Variants in RTTN observed in about 807,000 individuals in gnomAD.
RTTN encodes rotatin.
RTTN carries 182 observed loss-of-function variants against 269.2 expected under a neutral mutation model. The observed-to-expected ratio is 0.68, with a 90% CI of 0.60 to 0.76. RTTN has a LOEUF of 0.76. Among genes scored for constraint, RTTN ranks in the 30% least tolerant of loss-of-function variants. The pLI is 0.00. For synonymous variants in RTTN, 1,006 were observed against 963.5 expected, an observed-to-expected ratio of 1.04 and a Z score of -0.82; for missense variants, 2,545 against 2,608.6, an observed-to-expected ratio of 0.98 and a Z score of 0.53.
chr18:70,112,995 A>T (rs181034676), intron 27 of RTTN, among the ~76,000 whole-genome samples: 2 of 152,348 alleles, frequency 1.3e-5, no homozygotes, highest in Non-Finnish European at 2.9e-5. Context: ...ATCAAACTGG[A>T]ACTCAGGATT....
At chr18:70,121,736 C>A in intron 25 of RTTN, 36 bp from the exon 26 acceptor site, 1 of 1,505,198 alleles carries the variant, frequency 6.6e-7, no homozygotes, top group Admixed American at 2.7e-5. Context: ...GTTTCTGGCG[C>A]TTTAAAATAC....
At chr18:70,031,504 CTTT>C (rs2057012333) in intron 40 of RTTN, 2 of 395,398 alleles carry the variant, frequency 5.1e-6, no homozygotes, top group East Asian at 7.2e-5. Flanking sequence ...TAGTGTGTAA[CTTT>C]TTTGACTTTC....
intron 28 of RTTN, among the ~76,000 whole-genome samples, chr18:70,101,527 G>C (rs1043728285): frequency 6.6e-6 from 1 of 152,052 alleles, no homozygotes; most frequent in Admixed American, 6.6e-5. Flanking sequence ...CAAAAAACCA[G>C]CTCCTGGATT....
At chr18:70,100,857 C>T (rs1166666314) in intron 28 of RTTN, among the ~76,000 whole-genome samples, 3 of 152,118 alleles carry the variant, frequency 2.0e-5, no homozygotes, top group Admixed American at 2.0e-4. Flanking sequence ...GTCTTTGGTT[C>T]TGTTTATATG....
In RTTN at chr18:70,128,481, A is replaced by G. The variant is rs772298230; in HGVS notation, c.3020T>C (p.Leu1007Ser). The change falls in exon 24 of 49, where the codon TTA (leucine) becomes TCA (serine). Residue 1007 changes from leucine (L) to serine (S), a missense_variant. Leu to Ser is a moderately radical substitution (Grantham distance 145). Transcript: ENST00000640769. ...AVSPYSIVLP[L>S]SADCLALKPV... ...CTTCAAGGCCAAACAATCAGCAGATAAGGGCAAAACTATGGAGTAAGGACT... is the reference window on the plus strand; with the variant it reads ...CTTCAAGGCCAAACAATCAGCAGATGAGGGCAAAACTATGGAGTAAGGACT... 6 of 1,613,162 alleles carry G rather than the reference A, an allele frequency of 3.7e-6. No homozygotes were observed. In the African/African-American group the frequency reaches 8.0e-5, roughly 22 times the overall value.
intron 14 of RTTN, among the ~76,000 whole-genome samples, chr18:70,157,241 A>T (rs1418224933): frequency 6.6e-6 from 1 of 152,046 alleles, no homozygotes; most frequent in Non-Finnish European, 1.5e-5. Context: ...GCAGTCTGGG[A>T]ACATCTCGGC....
intron 14 of RTTN, among the ~76,000 whole-genome samples, chr18:70,153,630 G>A (rs1238738955): frequency 6.6e-6 from 1 of 152,108 alleles, no homozygotes; most frequent in Non-Finnish European, 1.5e-5. Context: ...TTACTAGCAC[G>A]CTCCTACATT....
rs745576289 is a variant in RTTN, at chr18:70,092,301, T to C, written c.4033-81A>G. The C allele has an allele frequency of 3.1e-5, 28 of 897,108 alleles. 1 individual carries two copies. Among genetic ancestry groups the C allele is most frequent in the Non-Finnish European group, 4.9e-5 (28 of 572,204 alleles). 55.6% of individuals were successfully genotyped at this position (897,108 alleles called of 1,614,324 possible). A position where few individuals can be genotyped will look rare whatever the true frequency, so the allele number is the denominator to read the frequency against. On this transcript the variant is annotated intron_variant, in intron 29 of 48. Coordinates refer to ENST00000640769, the MANE Select transcript of RTTN (RefSeq NM_173630.4). ...GCAGGAAGGTTAAAACAAGAATTTT[T>C]AATGAAAACAACGTGAAAATGTATT...
intron 40 of RTTN, among the ~76,000 whole-genome samples, chr18:70,043,953 T>C (rs1033834744): frequency 1.3e-5 from 2 of 152,142 alleles, no homozygotes; most frequent in African/African-American, 4.8e-5. Flanking sequence ...AACAGATAAC[T>C]AGCAAATACA....
intron 37 of RTTN, among the ~76,000 whole-genome samples, chr18:70,056,665 T>C (rs1376616204): frequency 6.6e-6 from 1 of 152,132 alleles, no homozygotes; most frequent in Admixed American, 6.5e-5. Flanking sequence ...CCTTGCTGTT[T>C]CTTGGATAGG....
At chr18:70,090,233 C>T (rs745781453) in intron 30 of RTTN, among the ~76,000 whole-genome samples, 4 of 152,172 alleles carry the variant, frequency 2.6e-5, no homozygotes, top group Non-Finnish European at 5.9e-5. Context: ...ATGGGGAATA[C>T]ATTCCAAGAC....
chr18:70,185,714 A>G (rs1277033539), intron 10 of RTTN, among the ~76,000 whole-genome samples: 3 of 152,158 alleles, frequency 2.0e-5, no homozygotes, highest in African/African-American at 4.8e-5. Flanking sequence ...TGATCTTAAA[A>G]CTGTTTTTAT....
chr18:70,081,119 G>A (rs1393019369), intron 32 of RTTN, among the ~76,000 whole-genome samples: 1 of 152,158 alleles, frequency 6.6e-6, no homozygotes, highest in Non-Finnish European at 1.5e-5. Context: ...CGGGAGCTAT[G>A]CTATGAGGAT....
chr18:70,090,762 T>C (rs1328987915), intron 30 of RTTN, among the ~76,000 whole-genome samples: 1 of 152,162 alleles, frequency 6.6e-6, no homozygotes, highest in Non-Finnish European at 1.5e-5. Context: ...TTCAGGAACA[T>C]GGCTGCCCTT....
intron 14 of RTTN, among the ~76,000 whole-genome samples, chr18:70,164,423 A>T (rs1285399573): frequency 6.6e-6 from 1 of 151,176 alleles, no homozygotes; most frequent in Non-Finnish European, 1.5e-5. Flanking sequence ...TATGTTGCCC[A>T]GGCTGGTCTC....
intron 8 of RTTN, among the ~76,000 whole-genome samples, chr18:70,192,860 A>ACG (rs1180842604): frequency 6.6e-6 from 1 of 152,170 alleles, no homozygotes; most frequent in African/African-American, 2.4e-5. Flanking sequence ...TATCATTTAA[A>ACG]GCTATTCTTT....
intron 8 of RTTN, 148 bp from the exon 9 acceptor site, chr18:70,190,867 G>C: frequency 1.8e-6 from 1 of 546,292 alleles, no homozygotes; most frequent in Non-Finnish European, 3.2e-6. Flanking sequence ...TAGAAACTTT[G>C]ACAAATTTAC....
chr18:70,147,785 T>C (rs2060433128), intron 17 of RTTN, among the ~76,000 whole-genome samples: 2 of 152,128 alleles, frequency 1.3e-5, no homozygotes, highest in Non-Finnish European at 2.9e-5. Flanking sequence ...AGAATGTCTT[T>C]ATTAAACTGA....
chr18:70,037,333 C>T (rs2057205234), intron 40 of RTTN, among the ~76,000 whole-genome samples: 1 of 152,202 alleles, frequency 6.6e-6, no homozygotes, highest in African/African-American at 2.4e-5. Context: ...CCCTCAATCC[C>T]AGGCAGTGCG....
Sources: gnomAD v4.1 joint callset for allele counts (sites outside exome capture counted in the v4.1 genomes callset) on GRCh38, gnomAD v4.1.1 for gene constraint, MANE v1.5 for transcripts, NCBI Gene and HGNC (gene_info 2026-07-23, HGNC 2026-07-21) for gene names.